Variants in PPARD observed in about 807,000 individuals in gnomAD.
The protein encoded by PPARD is peroxisome proliferator activated receptor delta.
Under a neutral mutation model 39.5 loss-of-function variants are expected in PPARD, and 6 were observed. The observed-to-expected ratio is 0.15, with a 90% CI of 0.08 to 0.30. PPARD has a LOEUF of 0.30. PPARD is among the 10% of genes least tolerant of loss of function. The probability of loss-of-function intolerance (pLI) is 1.00; values close to 1 mark genes in which losing one functional copy is unlikely to be tolerated. For missense variants in PPARD, 397 were observed against 596.8 expected, an observed-to-expected ratio of 0.67 and a Z score of 3.49; for synonymous variants, 210 against 231.3, an observed-to-expected ratio of 0.91 and a Z score of 0.83.
intron 2 of PPARD, among the ~76,000 whole-genome samples, chr6:35,395,457 G>A (rs1309782389): frequency 6.6e-6 from 1 of 152,200 alleles, no homozygotes; most frequent in Non-Finnish European, 1.5e-5. Flanking sequence ...AGGGGGACAT[G>A]TCATTTCAAC....
At chr6:35,354,487 G>C (rs1761454030) in intron 2 of PPARD, among the ~76,000 whole-genome samples, 1 of 151,800 alleles carries the variant, frequency 6.6e-6, no homozygotes, top group African/African-American at 2.4e-5. Flanking sequence ...TTTTAGTAGA[G>C]ATAGGATTTC....
intron 2 of PPARD, among the ~76,000 whole-genome samples, chr6:35,349,710 C>T: frequency 6.6e-6 from 1 of 151,402 alleles, no homozygotes; most frequent in Non-Finnish European, 1.5e-5. Context: ...TTAATGGGTA[C>T]ATAGTAGTAG....
Position 35,357,752 on chromosome 6 carries a change from G to C in PPARD, c.-102+10602G>C, listed in dbSNP as rs1364146360. Among the ~76,000 whole-genome samples the C allele has an allele frequency of 1.3e-5, 2 of 151,838 alleles. 1 individual carries two copies. Among genetic ancestry groups the C allele is most frequent in the East Asian group, 3.9e-4 (2 of 5,192 alleles). On this transcript the variant is annotated intron_variant, in intron 2 of 7. Coordinates refer to ENST00000360694, the MANE Select transcript of PPARD (RefSeq NM_006238.5). ...GGATTTCACTATCTTGGCCAGGCTG[G>C]TCTCAAACTCCTGACCTCTAGTGAT...
intron 5 of PPARD, among the ~76,000 whole-genome samples, chr6:35,423,353 A>C (rs1383984531): frequency 6.6e-6 from 1 of 151,464 alleles, no homozygotes; most frequent in Non-Finnish European, 1.5e-5. Flanking sequence ...AGATGGTGAA[A>C]CTCTGTCTCT....
chr6:35,387,028 A>G (rs761018608), intron 2 of PPARD, among the ~76,000 whole-genome samples: 3 of 151,704 alleles, frequency 2.0e-5, no homozygotes, highest in Non-Finnish European at 2.9e-5. Flanking sequence ...AAATTGATCC[A>G]GTCCTGGATC....
intron 2 of PPARD, among the ~76,000 whole-genome samples, chr6:35,362,907 C>T (rs925082814): frequency 6.6e-4 from 100 of 152,318 alleles, no homozygotes; most frequent in African/African-American, 2.4e-3. Context: ...CCTCACCTGG[C>T]AGTGCCCAGC....
At chr6:35,373,823 A>G (rs1395233768) in intron 2 of PPARD, among the ~76,000 whole-genome samples, 2 of 152,084 alleles carry the variant, frequency 1.3e-5, no homozygotes, top group African/African-American at 4.8e-5. Flanking sequence ...ATGTGCCACC[A>G]CACCTGGCTA....
Position 35,411,212 on chromosome 6 carries a change from A to G in PPARD, c.125A>G (p.Tyr42Cys). The change falls in exon 3 of 8, where the codon TAC becomes TGC. Residue 42 changes from tyrosine to cysteine, a missense_variant. Transcript: ENST00000360694. ...GPQHALPSSS[Y>C]TDLSRSSSPP... ...CAGCATGCACTTCCTTCCAGCAGCT[A>G]CACAGGTGAGGAGAGGACTGGCAGG... 2.0e-6 allele frequency: 3 copies of G among 1,535,014 alleles called. No individual in the cohort carries two copies. Among genetic ancestry groups the G allele is most frequent in the Non-Finnish European group, 2.6e-6 (3 of 1,138,306 alleles).
chr6:35,364,866 T>A (rs1414939907), intron 2 of PPARD, among the ~76,000 whole-genome samples: 1 of 150,506 alleles, frequency 6.6e-6, no homozygotes. Context: ...CATGCCACCA[T>A]GCCCAGCTAA....
intron 2 of PPARD, among the ~76,000 whole-genome samples, chr6:35,370,199 A>G (rs2150533877): frequency 6.6e-6 from 1 of 152,282 alleles, no homozygotes; most frequent in East Asian, 1.9e-4. Context: ...TCTGTGGGCC[A>G]GGAAGGGTCT....
chr6:35,391,731 C>G (rs1363520771), intron 2 of PPARD, among the ~76,000 whole-genome samples: 1 of 152,170 alleles, frequency 6.6e-6, no homozygotes, highest in African/African-American at 2.4e-5. Context: ...ATGTCAGGAC[C>G]TGGGACCAAG....
At chr6:35,413,684 CT>C (rs569625848) in intron 3 of PPARD, among the ~76,000 whole-genome samples, 330 of 139,554 alleles carry the variant, frequency 2.4e-3, no homozygotes, top group Middle Eastern at 3.7e-3. Flanking sequence ...ATGTGTGATT[CT>C]TTTTTTTTTT....
chr6:35,393,536 C>T (rs1338081456), intron 2 of PPARD, among the ~76,000 whole-genome samples: 1 of 152,176 alleles, frequency 6.6e-6, no homozygotes, highest in Non-Finnish European at 1.5e-5. Flanking sequence ...CCTCCTGGCT[C>T]TGAGTCCTGA....
intron 2 of PPARD, among the ~76,000 whole-genome samples, chr6:35,394,497 A>G (rs1304787293): frequency 6.6e-6 from 1 of 152,226 alleles, no homozygotes; most frequent in East Asian, 1.9e-4. Flanking sequence ...GCAGCCGGGC[A>G]TGATGACTCA....
intron 2 of PPARD, among the ~76,000 whole-genome samples, chr6:35,393,363 G>T (rs1764127883): frequency 6.6e-6 from 1 of 152,212 alleles, no homozygotes; most frequent in Admixed American, 6.5e-5. Context: ...ACTCTTTCAA[G>T]AGAGTCCCTT....
rs760934753 is a variant in PPARD, at chr6:35,362,692, C to T, written c.-102+15542C>T. Among the ~76,000 whole-genome samples the T allele has an allele frequency of 2.6e-5, 4 of 152,044 alleles. No homozygotes were observed. In the South Asian group the frequency reaches 6.2e-4, roughly 24 times the overall value. On this transcript the variant is annotated intron_variant, in intron 2 of 7. Coordinates refer to ENST00000360694, the MANE Select transcript of PPARD (RefSeq NM_006238.5). The stretch of plus-strand genomic sequence containing the variant: ...AAGCTGCGTGGGTGATGGGTTGGGG[C>T]GGGGTAGGCAGCAGGTGACTGCAGG...
At chr6:35,344,098 CAT>C (rs1426429692) in intron 1 of PPARD, among the ~76,000 whole-genome samples, 1 of 152,120 alleles carries the variant, frequency 6.6e-6, no homozygotes, top group African/African-American at 2.4e-5. Flanking sequence ...GATTTTCTCT[CAT>C]ATCTCTTTGA....
intron 2 of PPARD, among the ~76,000 whole-genome samples, chr6:35,407,379 G>A (rs960570406): frequency 7.1e-6 from 1 of 141,318 alleles, no homozygotes; most frequent in Non-Finnish European, 1.6e-5. Context: ...TGGCTCTCGG[G>A]GGTCCCACCA....
At chr6:35,359,846 G>A (rs1761836055) in intron 2 of PPARD, among the ~76,000 whole-genome samples, 1 of 152,182 alleles carries the variant, frequency 6.6e-6, no homozygotes, top group Admixed American at 6.5e-5. Flanking sequence ...GACTGGTTAG[G>A]AAAATTGCCT....
Sources: allele counts gnomAD v4.1 joint callset (sites outside exome capture counted in the v4.1 genomes callset), GRCh38; gene constraint gnomAD v4.1.1; transcripts MANE v1.5; gene names NCBI Gene and HGNC (gene_info 2026-07-23, HGNC 2026-07-21).